The following CNGA1 variants were observed in gnomAD, a reference collection of about 807,000 sequenced individuals.
CNGA1 encodes cyclic nucleotide-gated channel alpha-1.
Under a neutral mutation model 69.7 loss-of-function variants are expected in CNGA1, and 53 were observed. That is an observed-to-expected ratio of 0.76 (90% CI 0.61 to 0.96). The LOEUF (loss-of-function observed/expected upper bound fraction) is 0.96. CNGA1 is among the 40% of genes least tolerant of loss of function. The pLI is 0.00. For synonymous variants in CNGA1, 249 were observed against 283.5 expected (o/e 0.88, Z 1.22); for missense variants, 739 against 811.2 (o/e 0.91, Z 1.08).
chr4:47,966,980 C>T (rs1278127933), intron 3 of CNGA1, among the ~76,000 whole-genome samples: 1 of 152,126 alleles, frequency 6.6e-6, no homozygotes, highest in Non-Finnish European at 1.5e-5. Context: ...ACTTCCTCAA[C>T]CCGATAAACA....
intron 3 of CNGA1, among the ~76,000 whole-genome samples, chr4:47,960,693 G>A (rs1000843796): frequency 1.4e-5 from 2 of 145,516 alleles, no homozygotes; most frequent in Admixed American, 1.4e-4. Flanking sequence ...CATCAATAGA[G>A]GAATGGATAA....
At chr4:47,943,515 G>A in intron 6 of CNGA1, 103 bp from the exon 7 acceptor site, 2 of 731,944 alleles carry the variant, frequency 2.7e-6, no homozygotes, top group South Asian at 2.2e-5. Flanking sequence ...TCAAAGACCT[G>A]CTCCAGTGCT....
chr4:47,954,501 T>A (rs1245760154), intron 3 of CNGA1, among the ~76,000 whole-genome samples: 2 of 152,038 alleles, frequency 1.3e-5, no homozygotes, highest in African/African-American at 2.4e-5. Flanking sequence ...ACCAAACAGG[T>A]GAGCCACACC....
chr4:47,951,291 C>T, intron 5 of CNGA1, 62 bp downstream of exon 5: 1 of 1,098,180 alleles, frequency 9.1e-7, no homozygotes, highest in Non-Finnish European at 1.4e-6. Flanking sequence ...AAATTCAAAA[C>T]ACTGCAACCT....
At chr4:48,015,681 T>C (rs908333275) in intron 1 of CNGA1, among the ~76,000 whole-genome samples, 1 of 152,098 alleles carries the variant, frequency 6.6e-6, no homozygotes, top group Non-Finnish European at 1.5e-5. Flanking sequence ...TGTCTCACTG[T>C]AGCCTCCACC....
At chr4:48,008,277 C>T (rs562096457) in intron 2 of CNGA1, among the ~76,000 whole-genome samples, 1 of 152,234 alleles carries the variant, frequency 6.6e-6, no homozygotes, top group Non-Finnish European at 1.5e-5. Context: ...CTTTCTTAAA[C>T]AACCAGTCAT....
chr4:47,992,313 C>G lies in CNGA1; in HGVS notation c.-122-10813G>C, dbSNP rs1742302345. On this transcript the variant is annotated intron_variant, in intron 2 of 10. Transcript: ENST00000514170. ...CATCCATGAGCATGGGATGTGTTTCCATTTGTTTGTGTCATCTATGATTTC... is the reference window on the plus strand; with the variant it reads ...CATCCATGAGCATGGGATGTGTTTCGATTTGTTTGTGTCATCTATGATTTC... Among the ~76,000 whole-genome samples, 3 of 152,042 alleles carry G rather than the reference C, an allele frequency of 2.0e-5. 1 individual carries two copies. The highest frequency in any genetic ancestry group is 2.0e-4 in the Admixed American group (3 of 15,268).
At chr4:47,998,991 A>G (rs755647306) in intron 2 of CNGA1, among the ~76,000 whole-genome samples, 4 of 152,198 alleles carry the variant, frequency 2.6e-5, no homozygotes, top group Non-Finnish European at 5.9e-5. Flanking sequence ...TATTATCAGA[A>G]GGTCAATAGT....
intron 3 of CNGA1, among the ~76,000 whole-genome samples, chr4:47,966,697 T>C (rs1422532794): frequency 6.6e-6 from 1 of 152,178 alleles, no homozygotes; most frequent in East Asian, 1.9e-4. Flanking sequence ...GCTTGATATT[T>C]CAGATCTACA....
intron 2 of CNGA1, among the ~76,000 whole-genome samples, chr4:47,991,655 A>C (rs1463470993): frequency 6.6e-6 from 1 of 152,160 alleles, no homozygotes; most frequent in Non-Finnish European, 1.5e-5. Flanking sequence ...TGCCAGGTAA[A>C]AGCACTTTAG....
intron 2 of CNGA1, among the ~76,000 whole-genome samples, chr4:48,010,455 G>C (rs901016314): frequency 3.3e-5 from 5 of 152,336 alleles, no homozygotes; most frequent in Admixed American, 6.5e-5. Context: ...AGCCTCGGTT[G>C]TGTTACCAGG....
At chr4:48,002,493 G>A (rs1714702466) in intron 2 of CNGA1, among the ~76,000 whole-genome samples, 1 of 151,996 alleles carries the variant, frequency 6.6e-6, no homozygotes, top group Non-Finnish European at 1.5e-5. Flanking sequence ...AAAGGTCTTA[G>A]GTCAGGGGTT....
At position 47,943,266 on chromosome 4, in the gene CNGA1, TTTCGTTTTTATC is replaced by T; in HGVS notation, c.340_351del (p.Asp114_Glu117del). 2 of 1,560,278 alleles carry T rather than the reference TTTCGTTTTTATC, an allele frequency of 1.3e-6. No homozygotes were observed. The highest frequency in any genetic ancestry group is 2.4e-5 in the South Asian group (2 of 84,190). On this transcript the variant is annotated inframe_deletion, in exon 8 of 11. Coordinates refer to ENST00000514170, the MANE Select transcript of CNGA1 (RefSeq NM_001379270.1). The stretch of plus-strand genomic sequence containing the variant: ...TTTTTCTTCTCTGGGTCGTTTTTAT[TTTCGTTTTTATC>T]ATCTGACTTGCTGAAAAAATTAAGC...
At chr4:47,984,646 A>AT (rs1741898600) in intron 2 of CNGA1, among the ~76,000 whole-genome samples, 1 of 59,370 alleles carries the variant, frequency 1.7e-5, no homozygotes, top group Non-Finnish European at 4.6e-5. Context: ...CAAATAAAAA[A>AT]AATATATATA....
At chr4:47,982,864 G>A (rs934694187) in intron 2 of CNGA1, among the ~76,000 whole-genome samples, 3 of 152,018 alleles carry the variant, frequency 2.0e-5, no homozygotes, top group African/African-American at 7.3e-5. Flanking sequence ...GAGTGCAGTG[G>A]TGCCATCGCG....
intron 2 of CNGA1, among the ~76,000 whole-genome samples, chr4:47,982,737 A>G (rs937910055): frequency 5.2e-4 from 79 of 152,124 alleles, no homozygotes; most frequent in African/African-American, 1.9e-3. Context: ...GTATTTCATT[A>G]TACCATAATT....
rs900844057 is a variant in CNGA1 at position 48,016,548 on chromosome 4, C to T, written c.-288G>A. ...GAGGCGTGTCTGTGTTTCTCTAGTT[C>T]GCGGCTCCAGCAGTCGCGCCAAGGG... On this transcript the variant is annotated 5_prime_UTR_variant, in exon 1 of 11. Coordinates refer to ENST00000514170, the MANE Select transcript of CNGA1 (RefSeq NM_001379270.1). 2.5e-5 allele frequency: 12 copies of T among 471,550 alleles called. No homozygotes were observed. Among genetic ancestry groups the T allele is most frequent in the African/African-American group, 2.3e-4 (11 of 48,042 alleles). 29.2% of individuals were successfully genotyped at this position (471,550 alleles called of 1,614,324 possible). A position where few individuals can be genotyped will look rare whatever the true frequency, so the allele number is the denominator to read the frequency against.
intron 3 of CNGA1, among the ~76,000 whole-genome samples, chr4:47,977,740 A>T (rs928051713): frequency 5.9e-5 from 9 of 152,298 alleles, no homozygotes; most frequent in South Asian, 4.1e-4. Flanking sequence ...TTTTTTAATT[A>T]TTGCATTTTA....
chr4:47,997,722 A>C (rs1507914), intron 2 of CNGA1, among the ~76,000 whole-genome samples: 123,920 of 152,030 alleles, frequency 0.82, 51,017 homozygotes, highest in Non-Finnish European at 0.88. Context: ...TAATTTTTAT[A>C]AATTCCTACT....
Sources: allele counts gnomAD v4.1 joint callset (sites outside exome capture counted in the v4.1 genomes callset), GRCh38; gene constraint gnomAD v4.1.1; transcripts MANE v1.5; gene names NCBI Gene and HGNC (gene_info 2026-07-23, HGNC 2026-07-21).